PAPPA2: variants seen among roughly 807,000 people sequenced by gnomAD.
PAPPA2 encodes pappalysin-2.
In PAPPA2, 86 loss-of-function variants were observed where a neutral mutation model predicts 176.4. That is an observed-to-expected ratio of 0.49 (90% CI 0.41 to 0.58). The LOEUF (loss-of-function observed/expected upper bound fraction) is 0.58. Among genes scored for constraint, PAPPA2 ranks in the 20% least tolerant of loss-of-function variants. The pLI is 0.00. For missense variants in PAPPA2, 2,073 were observed against 2,256.9 expected (o/e 0.92, Z 1.65); for synonymous variants, 809 against 852.2 (o/e 0.95, Z 0.88).
chr1:176,482,585 AG>A (rs1483566079), intron 1 of PAPPA2, among the ~76,000 whole-genome samples: 1 of 152,192 alleles, frequency 6.6e-6, no homozygotes. Flanking sequence ...GCTAAATACA[AG>A]GATCACTGAA....
At chr1:176,504,811 C>A (rs898110379) in intron 1 of PAPPA2, among the ~76,000 whole-genome samples, 9 of 152,144 alleles carry the variant, frequency 5.9e-5, no homozygotes, top group South Asian at 2.1e-4. Context: ...TTTTCCATAT[C>A]TCTTTTCCTC....
At chr1:176,536,764 C>A (rs1478910571) in intron 1 of PAPPA2, among the ~76,000 whole-genome samples, 1 of 152,176 alleles carries the variant, frequency 6.6e-6, no homozygotes, top group African/African-American at 2.4e-5. Context: ...TCCCACTGAC[C>A]AAGCCCAGAG....
chr1:176,683,892 C>A (rs1659708098), intron 4 of PAPPA2, among the ~76,000 whole-genome samples: 2 of 152,176 alleles, frequency 1.3e-5, no homozygotes, highest in South Asian at 4.1e-4. Context: ...AGTCAAGGTA[C>A]AATCAACTTT....
At chr1:176,823,828 A>G (rs1440997991) in intron 21 of PAPPA2, among the ~76,000 whole-genome samples, 1 of 152,184 alleles carries the variant, frequency 6.6e-6, no homozygotes, top group Non-Finnish European at 1.5e-5. Flanking sequence ...ATCTGTGAGC[A>G]TTAAGAATCT....
intron 1 of PAPPA2, among the ~76,000 whole-genome samples, chr1:176,498,797 G>C (rs1459804334): frequency 2.6e-5 from 4 of 151,048 alleles, no homozygotes; most frequent in African/African-American, 9.8e-5. Flanking sequence ...CAGGTGGCTG[G>C]CTTCCATGCT....
chr1:176,547,566 ACTT>A (rs768293280), intron 1 of PAPPA2, among the ~76,000 whole-genome samples: 4 of 152,132 alleles, frequency 2.6e-5, no homozygotes, highest in Admixed American at 6.5e-5. Flanking sequence ...CCATGCAAAA[ACTT>A]TAAGAGCAAC....
intron 3 of PAPPA2, among the ~76,000 whole-genome samples, chr1:176,643,419 GT>G (rs74263831): frequency 0.012 from 1,685 of 141,378 alleles, 9 homozygotes; most frequent in Middle Eastern, 0.022. Context: ...TTCTTCTTCT[GT>G]TTTTTTTTTT....
intron 3 of PAPPA2, among the ~76,000 whole-genome samples, chr1:176,623,639 C>T (rs1249510584): frequency 4.3e-5 from 5 of 115,846 alleles, no homozygotes; most frequent in East Asian, 5.3e-4. Context: ...TACTTTCTTT[C>T]TTTCTTTCTT....
rs142260497 is a variant in PAPPA2, at chr1:176,542,855, A to G, written c.-916-12552A>G. Among the ~76,000 whole-genome samples, 107 of 152,350 alleles carry G rather than the reference A, an allele frequency of 7.0e-4. No homozygotes were observed. The Middle Eastern group carries it at 0.01, about 15-fold the overall frequency. On this transcript the variant is annotated intron_variant, in intron 1 of 22. Coordinates refer to ENST00000367662, the MANE Select transcript of PAPPA2 (RefSeq NM_020318.3). ...ATCTGTTTTGAAATGATATTTACAC[A>G]TGAACCACGTTTCATCAGTAAAACA...
intron 1 of PAPPA2, among the ~76,000 whole-genome samples, chr1:176,484,925 A>G (rs1173336571): frequency 1.3e-5 from 2 of 152,132 alleles, no homozygotes; most frequent in East Asian, 1.9e-4. Context: ...ACCAGTTTCT[A>G]TGGCGGTTTC....
At chr1:176,543,940 A>T (rs1650494706) in intron 1 of PAPPA2, among the ~76,000 whole-genome samples, 1 of 152,208 alleles carries the variant, frequency 6.6e-6, no homozygotes, top group Admixed American at 6.5e-5. Flanking sequence ...TGGAAGCCAG[A>T]TGGCAGGGGT....
chr1:176,764,698 G>A (rs1022643597), intron 14 of PAPPA2, among the ~76,000 whole-genome samples: 7 of 151,296 alleles, frequency 4.6e-5, no homozygotes, highest in South Asian at 2.1e-4. Flanking sequence ...CCGGGTTCAC[G>A]CCATTCTCCT....
chr1:176,466,359 A>G (rs1173157274), intron 1 of PAPPA2, among the ~76,000 whole-genome samples: 1 of 152,142 alleles, frequency 6.6e-6, no homozygotes, highest in East Asian at 1.9e-4. Context: ...TATAATTCTA[A>G]TGATAAAATT....
At chr1:176,718,720 A>G (rs1234289154) in intron 12 of PAPPA2, among the ~76,000 whole-genome samples, 2 of 151,264 alleles carry the variant, frequency 1.3e-5, no homozygotes, top group African/African-American at 4.9e-5. Context: ...AAAAAAAAAA[A>G]CATAGCTAGA....
intron 17 of PAPPA2, among the ~76,000 whole-genome samples, chr1:176,784,583 T>A (rs945419320): frequency 1.1e-4 from 16 of 144,958 alleles, no homozygotes; most frequent in African/African-American, 3.5e-4. Context: ...AGCTTGCAGA[T>A]GATTCTCTTT....
intron 1 of PAPPA2, among the ~76,000 whole-genome samples, chr1:176,539,050 C>T (rs376883756): frequency 1.1e-3 from 168 of 152,228 alleles, no homozygotes; most frequent in Admixed American, 4.9e-3. Context: ...ATGAGTGAAA[C>T]GGAGATTCAA....
intron 3 of PAPPA2, among the ~76,000 whole-genome samples, chr1:176,596,676 G>T (rs1042490796): frequency 6.6e-6 from 1 of 152,134 alleles, no homozygotes; most frequent in Non-Finnish European, 1.5e-5. Context: ...TGTCTATTCT[G>T]TTAACCACTA....
At chr1:176,610,042 C>T (rs760253650) in intron 3 of PAPPA2, among the ~76,000 whole-genome samples, 8 of 152,166 alleles carry the variant, frequency 5.3e-5, no homozygotes, top group South Asian at 2.1e-4. Context: ...GCAGAAAGCA[C>T]GAAACATGAA....
chr1:176,724,586 C>T (rs1167662716), intron 12 of PAPPA2, among the ~76,000 whole-genome samples: 1 of 152,174 alleles, frequency 6.6e-6, no homozygotes, highest in Non-Finnish European at 1.5e-5. Flanking sequence ...ACAGTGTCTT[C>T]CACATCAGTT....
Sources: gnomAD v4.1 joint callset for allele counts (sites outside exome capture counted in the v4.1 genomes callset) on GRCh38, gnomAD v4.1.1 for gene constraint, MANE v1.5 for transcripts, NCBI Gene and HGNC (gene_info 2026-07-23, HGNC 2026-07-21) for gene names.